The following MALRD1 variants were observed in gnomAD, a reference collection of about 807,000 sequenced individuals.
The protein encoded by MALRD1 is MAM and LDL-receptor class A domain-containing protein 1.
Under a neutral mutation model 242.1 loss-of-function variants are expected in MALRD1, and 247 were observed. The observed-to-expected ratio is 1.02, with a 90% CI of 0.92 to 1.13. The LOEUF (loss-of-function observed/expected upper bound fraction) is 1.13. Among genes scored for constraint, MALRD1 ranks in the 50% most tolerant of loss-of-function variants. The pLI is 0.00. For synonymous variants in MALRD1, 995 were observed against 866.6 expected (o/e 1.15, Z -2.60); for missense variants, 2,989 against 2,533.1 (o/e 1.18, Z -3.86).
Position 19,347,943 on chromosome 10 carries a change from T to C in MALRD1, c.4074T>C (p.Ser1358=). ...NSSGHYIFIK[S]LFPQQPMRAA... is the part of the protein sequence containing the mutation. ...CTGGTCATTACATCTTTATAAAGAG[T>C]TTGTTTCCTCAGCAGCCCATGAGAG... Residue 1358 remains serine (S), a synonymous_variant, in exon 25 of 40, where the codon AGT becomes AGC. Coordinates refer to ENST00000454679, the MANE Select transcript of MALRD1 (RefSeq NM_001142308.3). 1 of 1,550,302 alleles carries C rather than the reference T, an allele frequency of 6.5e-7. No homozygotes were observed. Among genetic ancestry groups the C allele is most frequent in the Non-Finnish European group, 8.7e-7 (1 of 1,146,834 alleles).
At chr10:19,674,257 T>G (rs1026512819) in intron 36 of MALRD1, among the ~76,000 whole-genome samples, 5 of 152,168 alleles carry the variant, frequency 3.3e-5, no homozygotes, top group African/African-American at 1.2e-4. Context: ...AACACATGGT[T>G]TGATAGGATA....
chr10:19,669,962 A>G (rs929327341), intron 36 of MALRD1, among the ~76,000 whole-genome samples: 11 of 152,058 alleles, frequency 7.2e-5, no homozygotes, highest in African/African-American at 2.7e-4. Context: ...AAGAAATCCA[A>G]ATTCTTCGTC....
chr10:19,338,200 C>T (rs1178822486), intron 24 of MALRD1, among the ~76,000 whole-genome samples: 1 of 134,714 alleles, frequency 7.4e-6, no homozygotes. Context: ...CCATAGTTTA[C>T]ATTAGGTCTC....
At chr10:19,112,925 TAA>T (rs1305866841) in intron 5 of MALRD1, among the ~76,000 whole-genome samples, 4 of 152,250 alleles carry the variant, frequency 2.6e-5, no homozygotes, top group Non-Finnish European at 4.4e-5. Flanking sequence ...CTCAAAAAGT[TAA>T]GAGTAATTTT....
At chr10:19,311,023 TAAAAAG>T (rs1842404315) in intron 21 of MALRD1, among the ~76,000 whole-genome samples, 1 of 151,520 alleles carries the variant, frequency 6.6e-6, no homozygotes, top group East Asian at 2.0e-4. Flanking sequence ...CCTTGAATGA[TAAAAAG>T]AAAAAGTTGA....
At chr10:19,686,408 C>G (rs1209483348) in intron 36 of MALRD1, among the ~76,000 whole-genome samples, 6 of 152,102 alleles carry the variant, frequency 3.9e-5, no homozygotes, top group African/African-American at 1.4e-4. Flanking sequence ...TCACTCGAGG[C>G]GTTCTTCCCT....
At chr10:19,093,623 G>A (rs1172034824) in intron 4 of MALRD1, among the ~76,000 whole-genome samples, 1 of 22,798 alleles carries the variant, frequency 4.4e-5, no homozygotes, top group East Asian at 1.2e-3. Context: ...GCTTTGTTCC[G>A]TTGCTGGTGA....
At chr10:19,489,311 A>G (rs1837378571) in intron 29 of MALRD1, 2 of 518,564 alleles carry the variant, frequency 3.9e-6, no homozygotes. Context: ...CCACGAAAGT[A>G]AAGAAGAGTT....
At chr10:19,202,374 T>C (rs960096851) in intron 14 of MALRD1, among the ~76,000 whole-genome samples, 7 of 152,178 alleles carry the variant, frequency 4.6e-5, no homozygotes, top group African/African-American at 1.7e-4. Context: ...TCATAGAAAG[T>C]ATAAAAAACT....
rs1202243831 is a variant in MALRD1 at position 19,123,505 on chromosome 10, G to A, written c.708G>A (p.Leu236=). ...TAAATTTAACAGATGGAATTTTACT[G>A]TGTCAAGAAGCATTGAATGCTGAGC... ...GCLPANDGIL[L]CQEALNAERE... Residue 236 remains leucine, a synonymous_variant, in exon 6 of 40, where the codon CTG becomes CTA. Coordinates refer to ENST00000454679, the MANE Select transcript of MALRD1 (RefSeq NM_001142308.3). 2 of 1,233,112 alleles carry A rather than the reference G, an allele frequency of 1.6e-6. No individual in the cohort carries two copies. The highest frequency in any genetic ancestry group is 2.0e-6 in the Non-Finnish European group (2 of 987,576). The allele number at this position is 1,233,112 out of a possible 1,614,324, so 76.4% of individuals were successfully genotyped here.
chr10:19,640,524 G>A (rs1840334822), intron 36 of MALRD1, among the ~76,000 whole-genome samples: 1 of 152,050 alleles, frequency 6.6e-6, no homozygotes, highest in South Asian at 2.1e-4. Flanking sequence ...ATAAATGTCT[G>A]TGGGGAATTT....
chr10:19,476,578 C>A (rs7903569), intron 29 of MALRD1, among the ~76,000 whole-genome samples: 131,096 of 152,120 alleles, frequency 0.86, 56,654 homozygotes, highest in East Asian at 1. Context: ...AACTGCCTTG[C>A]TGGTGTGCTT....
chr10:19,593,565 C>A (rs1223454215), intron 33 of MALRD1, among the ~76,000 whole-genome samples: 1 of 152,144 alleles, frequency 6.6e-6, no homozygotes, highest in Admixed American at 6.5e-5. Context: ...TCTATATTTT[C>A]CCTTAATATA....
chr10:19,260,363 C>T (rs972042625), intron 19 of MALRD1, among the ~76,000 whole-genome samples: 29 of 152,232 alleles, frequency 1.9e-4, no homozygotes, highest in African/African-American at 6.5e-4. Flanking sequence ...CTCTGTTTCA[C>T]GTGGTCCTAT....
intron 36 of MALRD1, among the ~76,000 whole-genome samples, chr10:19,638,258 C>G (rs1044762939): frequency 2.0e-5 from 3 of 151,892 alleles, no homozygotes; most frequent in African/African-American, 7.3e-5. Flanking sequence ...CTTTTTTTCC[C>G]TTTTTGTTAT....
At position 19,237,603 on chromosome 10, in the gene MALRD1, T is replaced by G. The variant is rs1377631911; in HGVS notation, c.2992-20081T>G. 6.8e-5 allele frequency among the ~76,000 whole-genome samples: 5 copies of G among 73,078 alleles called. No homozygotes were observed. In the South Asian group the frequency reaches 1.8e-3, roughly 27 times the overall value. The allele number at this position is 73,078 out of a possible 152,430, so 47.9% of individuals were successfully genotyped here. ...TTATAATTATATAATTATATAATTA[T>G]AATTATAATTATATAATTATATAAT... On this transcript the variant is annotated intron_variant, in intron 18 of 39. Coordinates refer to ENST00000454679, the MANE Select transcript of MALRD1 (RefSeq NM_001142308.3).
chr10:19,235,756 G>A (rs895892313), intron 18 of MALRD1, among the ~76,000 whole-genome samples: 13 of 152,092 alleles, frequency 8.5e-5, no homozygotes, highest in African/African-American at 2.9e-4. Flanking sequence ...GAGAAACAGG[G>A]ATCATTCAGG....
At chr10:19,491,391 C>A in intron 29 of MALRD1, 126 bp from the exon 30 acceptor site, 2 of 1,164,504 alleles carry the variant, frequency 1.7e-6, no homozygotes, top group Non-Finnish European at 2.4e-6. Flanking sequence ...GGAAGTCCAT[C>A]TTAGGCAACT....
At chr10:19,328,934 C>A (rs1490249934) in intron 23 of MALRD1, among the ~76,000 whole-genome samples, 1 of 152,138 alleles carries the variant, frequency 6.6e-6, no homozygotes, top group African/African-American at 2.4e-5. Flanking sequence ...TTCTACTCTG[C>A]CACACTTGGG....
Sources: gnomAD v4.1 joint callset for allele counts (sites outside exome capture counted in the v4.1 genomes callset) on GRCh38, gnomAD v4.1.1 for gene constraint, MANE v1.5 for transcripts, NCBI Gene and HGNC (gene_info 2026-07-23, HGNC 2026-07-21) for gene names.